Variants in PRKACB observed in about 807,000 individuals in gnomAD.
PRKACB encodes cAMP-dependent protein kinase catalytic subunit beta.
In PRKACB, 16 loss-of-function variants were observed where a neutral mutation model predicts 51.4. That is an observed-to-expected ratio of 0.31 (90% confidence interval 0.21 to 0.47). The LOEUF (loss-of-function observed/expected upper bound fraction) is 0.47, where lower values mean the gene tolerates loss of function less well. Among genes scored for constraint, PRKACB ranks in the 20% least tolerant of loss-of-function variants. PRKACB has a pLI of 1.00. For synonymous variants in PRKACB, 147 were observed against 154.4 expected (o/e 0.95, Z 0.35); for missense variants, 309 against 464.5 (o/e 0.67, Z 3.08).
At chr1:84,197,664 G>C in intron 6 of PRKACB, 65 bp from the exon 7 acceptor site, 5 of 1,024,578 alleles carry the variant, frequency 4.9e-6, no homozygotes, top group Non-Finnish European at 7.0e-6. Context: ...TTTCAACGTA[G>C]GTGCAATAAA....
At chr1:84,146,460 CA>C (rs1159465273) in intron 1 of PRKACB, among the ~76,000 whole-genome samples, 2 of 151,800 alleles carry the variant, frequency 1.3e-5, no homozygotes, top group East Asian at 3.9e-4. Context: ...TTCAAAATTC[CA>C]AGGTTTATTT....
chr1:84,192,241 G>A (rs1237569854), intron 5 of PRKACB, among the ~76,000 whole-genome samples: 2 of 152,034 alleles, frequency 1.3e-5, no homozygotes, highest in African/African-American at 2.4e-5. Flanking sequence ...GTTTGAGTCA[G>A]TTAGCAATAT....
At chr1:84,216,363 A>G (rs2101593828) in intron 9 of PRKACB, among the ~76,000 whole-genome samples, 1 of 152,164 alleles carries the variant, frequency 6.6e-6, no homozygotes, top group African/African-American at 2.4e-5. Flanking sequence ...ATAAATAAAG[A>G]TTACAAAAAC....
intron 1 of PRKACB, among the ~76,000 whole-genome samples, chr1:84,116,121 G>T (rs1650618069): frequency 6.6e-6 from 1 of 151,950 alleles, no homozygotes; most frequent in Non-Finnish European, 1.5e-5. Flanking sequence ...TTCCCCAGTG[G>T]AAGCTCTTGT....
At chr1:84,128,455 T>C (rs1219883733) in intron 1 of PRKACB, among the ~76,000 whole-genome samples, 2 of 152,180 alleles carry the variant, frequency 1.3e-5, no homozygotes, top group East Asian at 1.9e-4. Context: ...TCATATGTTA[T>C]AACAGAATAG....
intron 1 of PRKACB, among the ~76,000 whole-genome samples, chr1:84,153,235 G>C (rs1403411047): frequency 6.6e-6 from 1 of 151,990 alleles, no homozygotes; most frequent in Non-Finnish European, 1.5e-5. Flanking sequence ...TCTGAACACA[G>C]ATCGCCATAA....
At chr1:84,232,731 C>A (rs868335701) in intron 9 of PRKACB, among the ~76,000 whole-genome samples, 13 of 152,200 alleles carry the variant, frequency 8.5e-5, no homozygotes, top group African/African-American at 3.1e-4. Context: ...ACTAGGATTG[C>A]AACCCCTGCC....
At chr1:84,167,604 A>G (rs1233811939) in intron 1 of PRKACB, among the ~76,000 whole-genome samples, 4 of 151,614 alleles carry the variant, frequency 2.6e-5, no homozygotes, top group Non-Finnish European at 4.4e-5. Flanking sequence ...GTTGAACTCA[A>G]GTCAAGGACA....
chr1:84,102,355 C>T (rs1335326643), intron 1 of PRKACB, among the ~76,000 whole-genome samples: 1 of 152,034 alleles, frequency 6.6e-6, no homozygotes, highest in Non-Finnish European at 1.5e-5. Context: ...CCACTGCACT[C>T]CAGCCTAGGC....
chr1:84,131,935 C>T (rs1238126870), intron 1 of PRKACB, among the ~76,000 whole-genome samples: 1 of 152,120 alleles, frequency 6.6e-6, no homozygotes, highest in Non-Finnish European at 1.5e-5. Context: ...GTAGTTCTTG[C>T]AGAGAGAGGG....
At chr1:84,092,553 C>CATACATGCATAT (rs886469801) in intron 1 of PRKACB, among the ~76,000 whole-genome samples, 1 of 152,076 alleles carries the variant, frequency 6.6e-6, no homozygotes, top group South Asian at 2.1e-4. Flanking sequence ...TACACTCATA[C>CATACATGCATAT]ATACATGCAT....
At chr1:84,175,705 CT>C (rs1324105713) in intron 1 of PRKACB, 5 of 1,154,620 alleles carry the variant, frequency 4.3e-6, no homozygotes, top group Non-Finnish European at 6.0e-6. Flanking sequence ...TTTTTATGAA[CT>C]TGTGAAAATG....
At chr1:84,144,086 G>A (rs1054050107), upstream of PRKACB, among the ~76,000 whole-genome samples, 1 of 152,060 alleles carries the variant, frequency 6.6e-6, no homozygotes, top group Non-Finnish European at 1.5e-5. Flanking sequence ...GCTCTCATTA[G>A]CCTATATATT....
chr1:84,126,542 G>A (rs562022040), intron 1 of PRKACB, among the ~76,000 whole-genome samples: 1 of 152,182 alleles, frequency 6.6e-6, no homozygotes, highest in East Asian at 1.9e-4. Flanking sequence ...GTTTTTATGG[G>A]TACAGGATGG....
At chr1:84,166,896 A>C (rs1475078290) in intron 1 of PRKACB, among the ~76,000 whole-genome samples, 1 of 151,576 alleles carries the variant, frequency 6.6e-6, no homozygotes, top group Non-Finnish European at 1.5e-5. Flanking sequence ...TTCAGTCATT[A>C]CCTGAACGTT....
intron 1 of PRKACB, among the ~76,000 whole-genome samples, chr1:84,178,109 A>G (rs1210321263): frequency 1.3e-5 from 2 of 152,050 alleles, no homozygotes; most frequent in Non-Finnish European, 2.9e-5. Context: ...TTTGGTTAGT[A>G]ACAGTATTTT....
At chr1:84,190,807 T>A (rs1005532594) in intron 5 of PRKACB, among the ~76,000 whole-genome samples, 35 of 152,130 alleles carry the variant, frequency 2.3e-4, no homozygotes, top group African/African-American at 8.4e-4. Flanking sequence ...CTTCTTTGTC[T>A]TTCCTGATCA....
At chr1:84,103,988 T>C (rs1290545230) in intron 1 of PRKACB, among the ~76,000 whole-genome samples, 1 of 152,202 alleles carries the variant, frequency 6.6e-6, no homozygotes, top group African/African-American at 2.4e-5. Flanking sequence ...ATTTAAATCC[T>C]CTCTTGTACT....
intron 1 of PRKACB, chr1:84,085,880 A>G (rs996115000): frequency 5.0e-6 from 3 of 600,052 alleles, no homozygotes; most frequent in Middle Eastern, 3.5e-4. Flanking sequence ...GTAACACCCA[A>G]CTCAGCCCAG....
Sources: allele counts gnomAD v4.1 joint callset (sites outside exome capture counted in the v4.1 genomes callset), GRCh38; gene constraint gnomAD v4.1.1; transcripts MANE v1.5; gene names NCBI Gene and HGNC (gene_info 2026-07-23, HGNC 2026-07-21).